Variants in MTF1 observed in about 807,000 individuals in gnomAD.
The protein encoded by MTF1 is MRE-binding transcription factor.
MTF1 carries 22 observed loss-of-function variants against 70.4 expected under a neutral mutation model. The observed-to-expected ratio is 0.31, with a 90% CI of 0.22 to 0.45. The LOEUF is 0.45. MTF1 is among the 20% of genes least tolerant of loss of function. The pLI, the probability that MTF1 is intolerant of heterozygous loss-of-function variation, is 1.00. For synonymous variants in MTF1, 333 were observed against 352.8 expected (o/e 0.94, Z 0.63); for missense variants, 649 against 922.0 (o/e 0.70, Z 3.83).
intron 9 of MTF1, among the ~76,000 whole-genome samples, chr1:37,821,340 A>G (rs867160689): frequency 3.3e-5 from 5 of 152,164 alleles, no homozygotes; most frequent in East Asian, 1.9e-4. Flanking sequence ...ATGTAGCACA[A>G]TAAGTCCTTA....
intron 6 of MTF1, among the ~76,000 whole-genome samples, 174 bp from the exon 7 acceptor site, chr1:37,832,496 T>C (rs1421368650): frequency 6.6e-6 from 1 of 152,238 alleles, no homozygotes; most frequent in Non-Finnish European, 1.5e-5. Flanking sequence ...TTTTTTAAAT[T>C]ATACTTTATG....
intron 7 of MTF1, among the ~76,000 whole-genome samples, chr1:37,829,144 G>T (rs1260422667): frequency 6.7e-6 from 1 of 149,598 alleles, no homozygotes; most frequent in African/African-American, 2.5e-5. Context: ...TTGAGACAGG[G>T]TCTTGCTCTG....
At chr1:37,838,992 C>T (rs986288433) in intron 3 of MTF1, among the ~76,000 whole-genome samples, 2 of 151,316 alleles carry the variant, frequency 1.3e-5, no homozygotes, top group Non-Finnish European at 2.9e-5. Context: ...TTTAGTACAA[C>T]GGGGTTTCAC....
chr1:37,842,542 T>C (rs893271061), intron 2 of MTF1, among the ~76,000 whole-genome samples: 1 of 152,210 alleles, frequency 6.6e-6, no homozygotes, highest in African/African-American at 2.4e-5. Context: ...TAGTAATGCC[T>C]TGGGGCACTC....
intron 7 of MTF1, chr1:37,826,567 C>A (rs997624276): frequency 4.4e-6 from 2 of 455,326 alleles, no homozygotes; most frequent in Non-Finnish European, 8.8e-6. Flanking sequence ...GCCACCACCA[C>A]CAGCTGATGA....
chr1:37,815,034 T>G lies in MTF1; in HGVS notation c.*102A>C. 1 of 920,534 alleles carries G rather than the reference T, an allele frequency of 1.1e-6. No individual in the cohort carries two copies. The allele number at this position is 920,534 out of a possible 1,614,324, so 57.0% of individuals were successfully genotyped here. On this transcript the variant is annotated 3_prime_UTR_variant, in exon 11 of 11. Transcript: ENST00000373036. The surrounding 1 kb of genome is among the most constrained non-coding windows in gnomAD (Gnocchi z 4.5). ...TCTGAAAGGTGAGGATTTCAAACAGTAGATTTCTTCATCCTTCAAATTTCT... is the reference window on the plus strand; with the variant it reads ...TCTGAAAGGTGAGGATTTCAAACAGGAGATTTCTTCATCCTTCAAATTTCT...
In MTF1 at chr1:37,835,713, C is replaced by T. The variant is rs975127158; in HGVS notation, c.811G>A (p.Ala271Thr). 1.9e-6 allele frequency: 3 copies of T among 1,614,042 alleles called. No homozygotes were observed. In the Admixed American group the frequency reaches 5.0e-5, roughly 27 times the overall value. The change falls in exon 5 of 11, where the codon GCA (alanine) becomes ACA (threonine). Residue 271 changes from alanine (A) to threonine (T), a missense_variant. By Grantham distance (58) the Ala-to-Thr change is moderately conservative. Around this residue, in one of 7 missense-constraint regions of MTF1, gnomAD observed 118 missense variants for 287.2 expected, o/e 0.41. Coordinates refer to ENST00000373036, the MANE Select transcript of MTF1 (RefSeq NM_005955.3). ...CDHDGCGKAF[A>T]ASHHLKTHVR... Reference sequence around the variant, plus strand: ...TGAGTTTTAAGGTGGTGGCTTGCTGCAAATGCTTTTCCACAGCCATCGTGA... The same window carrying T: ...TGAGTTTTAAGGTGGTGGCTTGCTGTAAATGCTTTTCCACAGCCATCGTGA...
intron 4 of MTF1, 110 bp from the exon 5 acceptor site, chr1:37,835,854 G>A (rs1459112755): frequency 9.3e-6 from 8 of 860,464 alleles, no homozygotes; most frequent in East Asian, 5.6e-5. Flanking sequence ...AGGCTGGAGT[G>A]CAGTGGCGCA....
intron 2 of MTF1, among the ~76,000 whole-genome samples, chr1:37,843,643 A>C (rs960743023): frequency 6.6e-6 from 1 of 152,230 alleles, no homozygotes; most frequent in African/African-American, 2.4e-5. Flanking sequence ...CTGTTTCAAA[A>C]ACGTTACTTA....
At chr1:37,826,807 C>T (rs1459048037) in intron 7 of MTF1, among the ~76,000 whole-genome samples, 3 of 152,058 alleles carry the variant, frequency 2.0e-5, no homozygotes, top group Admixed American at 6.6e-5. Context: ...AGTGAAACCC[C>T]GTCTCTACCA....
At position 37,815,794 on chromosome 1, in the gene MTF1, A is replaced by G. The variant is rs542946468; in HGVS notation, c.1832-228T>C. ...GTCCCGTTTCCTTAGAAAGTCACAC[A>G]CACGATCTAGATGCACCCTGTATTT... is the stretch of plus-strand genomic sequence containing the variant. On this transcript the variant is annotated intron_variant, in intron 10 of 10. Coordinates refer to ENST00000373036, the MANE Select transcript of MTF1 (RefSeq NM_005955.3). This position sits in a 1 kb window ranked among gnomAD's most constrained non-coding sequence, Gnocchi z 4.5. 6.6e-6 allele frequency among the ~76,000 whole-genome samples: 1 copy of G among 152,208 alleles called. No homozygotes were observed.
chr1:37,855,630 T>C (rs528398622), intron 2 of MTF1, among the ~76,000 whole-genome samples: 15 of 152,216 alleles, frequency 9.9e-5, no homozygotes, highest in Non-Finnish European at 1.9e-4. Context: ...CTGTAACTAC[T>C]AGTGACTTAT....
At chr1:37,859,032 G>A (rs1000302993) in intron 1 of MTF1, among the ~76,000 whole-genome samples, 9 of 152,208 alleles carry the variant, frequency 5.9e-5, no homozygotes, top group Non-Finnish European at 8.8e-5. Flanking sequence ...GATTGGATCC[G>A]GGAGGTACCG....
intron 4 of MTF1, among the ~76,000 whole-genome samples, chr1:37,836,634 C>T (rs1039061025): frequency 6.6e-6 from 1 of 152,180 alleles, no homozygotes; most frequent in Non-Finnish European, 1.5e-5. Context: ...GTGGATACAT[C>T]TGGTATCTGC....
intron 2 of MTF1, among the ~76,000 whole-genome samples, chr1:37,849,374 C>G (rs1641380069): frequency 6.6e-6 from 1 of 151,770 alleles, no homozygotes; most frequent in Non-Finnish European, 1.5e-5. Context: ...TGCAGTGAGC[C>G]AAGATCGTGC....
intron 2 of MTF1, among the ~76,000 whole-genome samples, chr1:37,844,587 T>C (rs938386591): frequency 6.6e-6 from 1 of 152,164 alleles, no homozygotes; most frequent in African/African-American, 2.4e-5. Flanking sequence ...TAAGGAGAAA[T>C]GGGATTGTGG....
chr1:37,853,368 T>A (rs537498922), intron 2 of MTF1, among the ~76,000 whole-genome samples: 1 of 152,210 alleles, frequency 6.6e-6, no homozygotes. Flanking sequence ...GTCAGCACAC[T>A]ACAGCCAGTG....
rs568308857 is a variant in MTF1 at position 37,835,172 on chromosome 1, T to A, written c.897A>T (p.Thr299=). The A allele has an allele frequency of 5.0e-6, 8 of 1,613,832 alleles. No homozygotes were observed. In the South Asian group the frequency reaches 7.7e-5, roughly 16 times the overall value. ...TTTTGAGACTGTATTGAGTGCTGAA[T>A]GTTTTCTCACAGCCATTACTGGGGC... ...FFCPSNGCEK[T]FSTQYSLKSH... is the part of the protein sequence containing the mutation. The change falls in exon 6 of 11, where the codon ACA becomes ACT. Residue 299 remains threonine (T), a synonymous_variant. Transcript: ENST00000373036.
chr1:37,838,807 T>TTTTTTTTG (rs1641211410), intron 3 of MTF1, 51 bp from the exon 4 acceptor site: 1 of 1,227,842 alleles, frequency 8.1e-7, no homozygotes, highest in Non-Finnish European at 1.1e-6. Context: ...CTTTTTTTTT[T>TTTTTTTTG]TTTTTTTTTT....
Sources: gnomAD v4.1 joint callset for allele counts (sites outside exome capture counted in the v4.1 genomes callset) on GRCh38, gnomAD v4.1.1 for gene constraint, gnomAD v4.1.1 regional missense constraint, Gnocchi (gnomAD v3.1) non-coding constraint, MANE v1.5 for transcripts, NCBI Gene and HGNC (gene_info 2026-07-23, HGNC 2026-07-21) for gene names.